OR5AS1: variants seen among roughly 807,000 people sequenced by gnomAD.
The protein encoded by OR5AS1 is olfactory receptor 5AS1.
For missense variants in OR5AS1, 492 were observed against 378.2 expected, an observed-to-expected ratio of 1.30 and a Z score of -2.50; for synonymous variants, 196 against 141.7, an observed-to-expected ratio of 1.38 and a Z score of -2.72.
Position 56,031,338 on chromosome 11 carries a change from G to T in OR5AS1, c.920G>T (p.Arg307Ile), listed in dbSNP as rs1246281067. 1.9e-6 allele frequency: 3 copies of T among 1,582,438 alleles called. No homozygotes were observed. Among genetic ancestry groups the T allele is most frequent in the African/African-American group, 2.7e-5 (2 of 73,768 alleles). Residue 307 changes from arginine to isoleucine, a missense_variant, in exon 2 of 2, where the codon AGA becomes ATA. Arg to Ile is a moderately conservative substitution (Grantham distance 97). Coordinates refer to ENST00000641320, the MANE Select transcript of OR5AS1 (RefSeq NM_001001921.2). ...AATGCTCTCAAAAAGCTATTAGAAA[G>T]AATTGGATATTCAAATGAATGGTAT... The part of the protein sequence containing the change: ...VKNALKKLLE[R>I]IGYSNEWYLN...
chr11:56,031,059 T>C lies in OR5AS1; in HGVS notation c.641T>C (p.Ile214Thr). 7 of 1,614,128 alleles carry C rather than the reference T, an allele frequency of 4.3e-6. No individual in the cohort carries two copies. Among genetic ancestry groups the C allele is most frequent in the Non-Finnish European group, 5.9e-6 (7 of 1,180,016 alleles). The change falls in exon 2 of 2, where the codon ATA becomes ACA. Residue 214 changes from isoleucine to threonine, a missense_variant. Physicochemically the swap from Ile to Thr is moderately conservative, Grantham distance 89. Coordinates refer to ENST00000641320, the MANE Select transcript of OR5AS1 (RefSeq NM_001001921.2). ...ATCCAGACCAGCACTTTTGTGGTAA[T>C]ATTTATTTCTTACTTCTGCATCCTC... ...SFIQTSTFVV[I>T]FISYFCILIT...
chr11:56,030,922 T>C lies in OR5AS1; in HGVS notation c.504T>C (p.Phe168=), dbSNP rs751622401. 4.6e-5 allele frequency: 74 copies of C among 1,614,072 alleles called. No individual in the cohort carries two copies. Among genetic ancestry groups the C allele is most frequent in the Middle Eastern group, 1.6e-4 (1 of 6,084 alleles). The change falls in exon 2 of 2, where the codon TTT becomes TTC. Residue 168 remains phenylalanine (F), a synonymous_variant. Transcript: ENST00000641320. Reference sequence around the variant, plus strand: ...TGTGCCTCACATTCAGGCTGTCATTTTGTGGCTCCAATATCGTCAATCATT... The same window carrying C: ...TGTGCCTCACATTCAGGCTGTCATTCTGTGGCTCCAATATCGTCAATCATT... The part of the protein sequence containing the change: ...VHVCLTFRLS[F]CGSNIVNHFF...
rs1394317346 is a variant in OR5AS1 at position 56,038,144 on chromosome 11, T to C, written c.*6751T>C. ...TCAAGATGGATTAAAGACTTAAACATAAAACCATCAACACGCTGAACCATG... is the reference window on the plus strand; with the variant it reads ...TCAAGATGGATTAAAGACTTAAACACAAAACCATCAACACGCTGAACCATG... On this transcript the variant is annotated 3_prime_UTR_variant, in exon 2 of 2. Transcript: ENST00000641320. 6.6e-6 allele frequency: 1 copy of C among 152,152 alleles called. No individual in the cohort carries two copies. The highest frequency in any genetic ancestry group is 1.5e-5 in the Non-Finnish European group (1 of 68,044). The allele number at this position is 152,152 out of a possible 1,614,324, so 9.4% of individuals were successfully genotyped here.
rs761690133 is a variant in OR5AS1 at position 56,030,791 on chromosome 11, G to A, written c.373G>A (p.Ala125Thr). 6.2e-7 allele frequency: 1 copy of A among 1,614,060 alleles called. No homozygotes were observed. Among genetic ancestry groups the A allele is most frequent in the Non-Finnish European group, 8.5e-7 (1 of 1,180,008 alleles). Reference sequence around the variant, plus strand: ...AGCAATGGCTTATGACCGCTATGCAGCCATCTGCAACCCACTGCTCTATAC... The same window carrying A: ...AGCAATGGCTTATGACCGCTATGCAACCATCTGCAACCCACTGCTCTATAC... ...LAAMAYDRYA[A>T]ICNPLLYTTL... Residue 125 changes from alanine to threonine, a missense_variant, in exon 2 of 2, where the codon GCC becomes ACC. By Grantham distance (58) the Ala-to-Thr change is moderately conservative. Transcript: ENST00000641320.
intron 1 of OR5AS1, among the ~76,000 whole-genome samples, chr11:56,028,045 C>A (rs1369413193): frequency 6.6e-6 from 1 of 152,026 alleles, no homozygotes; most frequent in African/African-American, 2.4e-5. Context: ...GCATGCTAAA[C>A]CTCAGATTTT....
rs140631143 is a variant in OR5AS1 at position 56,031,354 on chromosome 11, T to C, written c.936T>C (p.Asn312=). 2,277 of 1,565,696 alleles carry C rather than the reference T, an allele frequency of 1.5e-3. 10 individuals carry two copies. Among genetic ancestry groups the C allele is most frequent in the Middle Eastern group, 3.1e-3 (17 of 5,422 alleles). Reference sequence around the variant, plus strand: ...TATTAGAAAGAATTGGATATTCAAATGAATGGTATTTAAATCGTTTAAGAA... The same window carrying C: ...TATTAGAAAGAATTGGATATTCAAACGAATGGTATTTAAATCGTTTAAGAA... ...KKLLERIGYS[N]EWYLNRLRIV... The change falls in exon 2 of 2, where the codon AAT becomes AAC. Residue 312 remains asparagine (N), a synonymous_variant. Coordinates refer to ENST00000641320, the MANE Select transcript of OR5AS1 (RefSeq NM_001001921.2).
At position 56,031,097 on chromosome 11, in the gene OR5AS1, A is replaced by G. The variant is rs1406221077; in HGVS notation, c.679A>G (p.Ser227Gly). 1.2e-6 allele frequency: 2 copies of G among 1,614,030 alleles called. No homozygotes were observed. Among genetic ancestry groups the G allele is most frequent in the Admixed American group, 3.3e-5 (2 of 60,024 alleles). ...CTTCTGCATCCTCATCACTGTGTTG[A>G]GCATCAAGTCCTCAGGTGGCAGAAG... is the stretch of plus-strand genomic sequence containing the variant. ...SYFCILITVL[S>G]IKSSGGRSKT... The change falls in exon 2 of 2, where the codon AGC becomes GGC. Residue 227 changes from serine (S) to glycine (G), a missense_variant. Coordinates refer to ENST00000641320, the MANE Select transcript of OR5AS1 (RefSeq NM_001001921.2).
rs939776914 is a variant in OR5AS1 at position 56,028,963 on chromosome 11, C to T, written c.-29+1251C>T. Among the ~76,000 whole-genome samples the T allele has an allele frequency of 4.6e-5, 7 of 151,978 alleles. 1 individual carries two copies. The highest frequency in any genetic ancestry group is 4.6e-4 in the Admixed American group (7 of 15,250). On this transcript the variant is annotated intron_variant, in intron 1 of 1. Coordinates refer to ENST00000641320, the MANE Select transcript of OR5AS1 (RefSeq NM_001001921.2). ...ATTATATAAAGCTTGCAAATGTGTACATTTTTCTAGTATTTTTTCAGAGTT... is the reference window on the plus strand; with the variant it reads ...ATTATATAAAGCTTGCAAATGTGTATATTTTTCTAGTATTTTTTCAGAGTT...
intron 1 of OR5AS1, 135 bp from the exon 2 acceptor site, chr11:56,030,252 AAAAT>A: frequency 2.5e-6 from 1 of 406,634 alleles, no homozygotes; most frequent in Admixed American, 4.0e-5. Flanking sequence ...ATCAAATGAC[AAAAT>A]CAAAATCAAA....
chr11:56,031,263 T>A lies in OR5AS1; in HGVS notation c.845T>A (p.Phe282Tyr), dbSNP rs991932200. Residue 282 changes from phenylalanine (F) to tyrosine (Y), a missense_variant, in exon 2 of 2, where the codon TTT becomes TAT. Transcript: ENST00000641320. ...GTGGCAGTGTTTTATACTGTTGTAT[T>A]TCCCATGTTTAATCCAATAATTTAT... Reference protein sequence around the residue: ...KVVAVFYTVVFPMFNPIIYSF... With the variant: ...KVVAVFYTVVYPMFNPIIYSF... 2 of 1,613,542 alleles carry A rather than the reference T, an allele frequency of 1.2e-6. No individual in the cohort carries two copies. Among genetic ancestry groups the A allele is most frequent in the African/African-American group, 2.7e-5 (2 of 74,850 alleles).
At position 56,031,000 on chromosome 11, in the gene OR5AS1, C is replaced by T. The variant is rs575727332; in HGVS notation, c.582C>T (p.Ile194=). 2.5e-6 allele frequency: 4 copies of T among 1,614,168 alleles called. No individual in the cohort carries two copies. In the Admixed American group the frequency reaches 5.0e-5, roughly 20 times the overall value. ...LLALSCTDTQ[I]NQLLLFALCS... is the part of the protein sequence containing the mutation. ...CTTTATCATGTACAGACACTCAGAT[C>T]AACCAGCTTCTGCTCTTTGCTTTGT... Residue 194 remains isoleucine (I), a synonymous_variant, in exon 2 of 2, where the codon ATC becomes ATT. Transcript: ENST00000641320.
chr11:56,030,397 T>G lies in OR5AS1; in HGVS notation c.-22T>G. 1 of 1,426,940 alleles carries G rather than the reference T, an allele frequency of 7.0e-7. No individual in the cohort carries two copies. Among genetic ancestry groups the G allele is most frequent in the Non-Finnish European group, 9.2e-7 (1 of 1,084,336 alleles). 88.4% of individuals were successfully genotyped at this position (1,426,940 alleles called of 1,614,324 possible). A position where few individuals can be genotyped will look rare whatever the true frequency, so the allele number is the denominator to read the frequency against. On this transcript the variant is annotated 5_prime_UTR_variant, in exon 2 of 2. Transcript: ENST00000641320. The stretch of plus-strand genomic sequence containing the variant: ...ATCTGCTGATACTACCTAGGTCCAG[T>G]GGGAAAAACAAGAAAACTAAGATGT...
Position 56,031,720 on chromosome 11 carries a change from TATATTGGCTTG to T in OR5AS1, c.*328_*338del. On this transcript the variant is annotated 3_prime_UTR_variant, in exon 2 of 2. Coordinates refer to ENST00000641320, the MANE Select transcript of OR5AS1 (RefSeq NM_001001921.2). ...AAGCTACTTGGCAGCAGAGCATGTG[TATATTGGCTTG>T]TTTTTTCCACCACCTGTTTGGCACC... The T allele has an allele frequency of 5.5e-6, 1 of 181,444 alleles. No homozygotes were observed. Among genetic ancestry groups the T allele is most frequent in the Non-Finnish European group, 1.2e-5 (1 of 85,516 alleles). 11.2% of individuals were successfully genotyped at this position (181,444 alleles called of 1,614,324 possible).
At position 56,033,343 on chromosome 11, in the gene OR5AS1, C is replaced by G. The variant is rs893213648; in HGVS notation, c.*1950C>G. ...AGTGGTCTAGCTCAGCAGATCCCACCCCCATGGAGCCCAGCAAGCTAAGAT... is the reference window on the plus strand; with the variant it reads ...AGTGGTCTAGCTCAGCAGATCCCACGCCCATGGAGCCCAGCAAGCTAAGAT... On this transcript the variant is annotated 3_prime_UTR_variant, in exon 2 of 2. Coordinates refer to ENST00000641320, the MANE Select transcript of OR5AS1 (RefSeq NM_001001921.2). 1.3e-5 allele frequency: 2 copies of G among 152,660 alleles called. No homozygotes were observed. The highest frequency in any genetic ancestry group is 4.8e-5 in the African/African-American group (2 of 41,382). 9.5% of individuals were successfully genotyped at this position (152,660 alleles called of 1,614,324 possible).
chr11:56,032,295 G>A lies in OR5AS1; in HGVS notation c.*902G>A, dbSNP rs746595960. ...TTCATGTTGCTAACATAGTCTTTGA[G>A]GCTCTATCTTCAAGAAGAGGTGAAA... On this transcript the variant is annotated 3_prime_UTR_variant, in exon 2 of 2. Coordinates refer to ENST00000641320, the MANE Select transcript of OR5AS1 (RefSeq NM_001001921.2). 2.6e-5 allele frequency: 4 copies of A among 152,010 alleles called. No individual in the cohort carries two copies. Among genetic ancestry groups the A allele is most frequent in the Non-Finnish European group, 4.4e-5 (3 of 68,016 alleles). 9.4% of individuals were successfully genotyped at this position (152,010 alleles called of 1,614,324 possible).
In OR5AS1 at chr11:56,032,867, G is replaced by C. The variant is rs922659666; in HGVS notation, c.*1474G>C. Reference sequence around the variant, plus strand: ...CAAATAGGAGATGCTCCAGTCTGCTGCTCCCAGCAAGATCAACAGAGAAGG... The same window carrying C: ...CAAATAGGAGATGCTCCAGTCTGCTCCTCCCAGCAAGATCAACAGAGAAGG... On this transcript the variant is annotated 3_prime_UTR_variant, in exon 2 of 2. Coordinates refer to ENST00000641320, the MANE Select transcript of OR5AS1 (RefSeq NM_001001921.2). 3.3e-5 allele frequency: 5 copies of C among 152,138 alleles called. No homozygotes were observed. The highest frequency in any genetic ancestry group is 7.3e-5 in the Non-Finnish European group (5 of 68,088). 9.4% of individuals were successfully genotyped at this position (152,138 alleles called of 1,614,324 possible). A position where few individuals can be genotyped will look rare whatever the true frequency, so the allele number is the denominator to read the frequency against.
At chr11:56,029,513 C>T (rs1430485541) in intron 1 of OR5AS1, among the ~76,000 whole-genome samples, 1 of 141,232 alleles carries the variant, frequency 7.1e-6, no homozygotes, top group Non-Finnish European at 1.6e-5. Flanking sequence ...GTATGCCAAA[C>T]AATACATTTG....
At position 56,031,507 on chromosome 11, in the gene OR5AS1, A is replaced by T. The variant is rs1853351675; in HGVS notation, c.*114A>T. The T allele has an allele frequency of 2.6e-6, 2 of 756,490 alleles. No homozygotes were observed. 46.9% of individuals were successfully genotyped at this position (756,490 alleles called of 1,614,324 possible). A position where few individuals can be genotyped will look rare whatever the true frequency, so the allele number is the denominator to read the frequency against. On this transcript the variant is annotated 3_prime_UTR_variant, in exon 2 of 2. Transcript: ENST00000641320. ...GATAACTTGTTATACTCAGTGCATTAAAATGCTTCATCCTCTCTTCCAAAA... is the reference window on the plus strand; with the variant it reads ...GATAACTTGTTATACTCAGTGCATTTAAATGCTTCATCCTCTCTTCCAAAA...
chr11:56,030,980 T>A lies in OR5AS1; in HGVS notation c.562T>A (p.Ser188Thr). ...FCDIPPLLAL[S>T]CTDTQINQLL... ...TGATATCCCACCTCTTCTGGCTTTA[T>A]CATGTACAGACACTCAGATCAACCA... The change falls in exon 2 of 2, where the codon TCA (serine) becomes ACA (threonine). Residue 188 changes from serine to threonine, a missense_variant. Coordinates refer to ENST00000641320, the MANE Select transcript of OR5AS1 (RefSeq NM_001001921.2). 6.2e-7 allele frequency: 1 copy of A among 1,614,208 alleles called. No homozygotes were observed. Among genetic ancestry groups the A allele is most frequent in the Non-Finnish European group, 8.5e-7 (1 of 1,180,038 alleles).
Sources: allele counts gnomAD v4.1 joint callset (sites outside exome capture counted in the v4.1 genomes callset), GRCh38; gene constraint gnomAD v4.1.1; transcripts MANE v1.5; gene names NCBI Gene and HGNC (gene_info 2026-07-23, HGNC 2026-07-21).